The following KLRK1 variants were observed in gnomAD, a reference collection of about 807,000 sequenced individuals.
The protein encoded by KLRK1 is killer cell lectin like receptor K1.
A neutral mutation model predicts 31.3 loss-of-function variants in KLRK1; 40 were observed. The ratio of observed to expected loss-of-function variants is 1.28; its 90% CI spans 0.99 to 1.67. The LOEUF (loss-of-function observed/expected upper bound fraction) is 1.67. Among genes scored for constraint, KLRK1 ranks in the 40% most tolerant of loss-of-function variants. The pLI is 0.00. For synonymous variants in KLRK1, 77 were observed against 77.3 expected, an observed-to-expected ratio of 1.00 and a Z score of 0.02; for missense variants, 251 against 260.0, an observed-to-expected ratio of 0.97 and a Z score of 0.24.
intron 3 of KLRK1, among the ~76,000 whole-genome samples, chr12:10,386,427 T>C (rs1439826866): frequency 1.3e-5 from 2 of 152,104 alleles, no homozygotes; most frequent in Non-Finnish European, 2.9e-5. Flanking sequence ...CATCTGTTGT[T>C]TTCCTTTTCA....
At chr12:10,377,326 A>G (rs1195970095) in intron 7 of KLRK1, among the ~76,000 whole-genome samples, 1 of 152,204 alleles carries the variant, frequency 6.6e-6, no homozygotes, top group Non-Finnish European at 1.5e-5. Context: ...ATGTTAAGGG[A>G]AAGAAAGATT....
At chr12:10,381,916 T>G (rs1268170194) in intron 3 of KLRK1, 1 of 152,206 alleles carries the variant, frequency 6.6e-6, no homozygotes, top group Non-Finnish European at 1.5e-5. Context: ...GTGTCGGAAC[T>G]TAGACCTGGC....
In KLRK1 at chr12:10,378,550, C is replaced by A; in HGVS notation, c.429+4G>T. On this transcript the variant is annotated splice_donor_region_variant and intron_variant, in intron 6 of 7. Coordinates refer to ENST00000240618, the MANE Select transcript of KLRK1 (RefSeq NM_007360.4). ...AGGATGGGAAATTAAAATAAATACT[C>A]AACCTGGTCCTCTTTGCTGTATACT... is the stretch of plus-strand genomic sequence containing the variant. 6.2e-7 allele frequency: 1 copy of A among 1,608,588 alleles called. No individual in the cohort carries two copies. Among genetic ancestry groups the A allele is most frequent in the South Asian group, 1.1e-5 (1 of 89,720 alleles).
At chr12:10,387,567 C>T (rs1318509562) in intron 2 of KLRK1, among the ~76,000 whole-genome samples, 2 of 150,752 alleles carry the variant, frequency 1.3e-5, no homozygotes, top group Admixed American at 1.3e-4. Flanking sequence ...GTCTAATTTT[C>T]TTCTTTTCTT....
chr12:10,379,608 TTATG>T, intron 4 of KLRK1, 88 bp downstream of exon 4: 1 of 1,373,986 alleles, frequency 7.3e-7, no homozygotes, highest in Non-Finnish European at 9.9e-7. Flanking sequence ...TATTTCTAGT[TTATG>T]TGTCTGTGTT....
At chr12:10,375,104 G>T (rs1862939717) in intron 7 of KLRK1, among the ~76,000 whole-genome samples, 1 of 152,116 alleles carries the variant, frequency 6.6e-6, no homozygotes, top group South Asian at 2.1e-4. Context: ...AAGGTATACT[G>T]GGGCTTCCAA....
intron 3 of KLRK1, among the ~76,000 whole-genome samples, chr12:10,381,124 TAG>T (rs930493397): frequency 7.9e-5 from 12 of 151,818 alleles, no homozygotes; most frequent in Admixed American, 2.0e-4. Flanking sequence ...GTCCTCAGCA[TAG>T]AGAGAGTCAT....
chr12:10,380,354 C>T lies in KLRK1; in HGVS notation c.149-562G>A, dbSNP rs149782374. Among the ~76,000 whole-genome samples the T allele has an allele frequency of 2.7e-4, 41 of 152,170 alleles. No individual in the cohort carries two copies. In the East Asian group the frequency reaches 6.4e-3, roughly 24 times the overall value. On this transcript the variant is annotated intron_variant, in intron 3 of 7. Coordinates refer to ENST00000240618, the MANE Select transcript of KLRK1 (RefSeq NM_007360.4). ...TGCTGGGATTACAGGCGTGAGCCAC[C>T]GCACCCGGCCGTGATTTATTATTTT...
intron 7 of KLRK1, among the ~76,000 whole-genome samples, chr12:10,376,418 A>G (rs1862967008): frequency 6.6e-6 from 1 of 152,210 alleles, no homozygotes; most frequent in Non-Finnish European, 1.5e-5. Flanking sequence ...TGAAAACTAA[A>G]TGACACATGT....
intron 3 of KLRK1, among the ~76,000 whole-genome samples, chr12:10,381,410 A>T (rs896546233): frequency 1.3e-5 from 2 of 152,218 alleles, no homozygotes; most frequent in African/African-American, 4.8e-5. Flanking sequence ...GGAGTCCTAT[A>T]TCTGGAAGCA....
chr12:10,383,325 A>C (rs1863111601), intron 3 of KLRK1, among the ~76,000 whole-genome samples: 1 of 152,076 alleles, frequency 6.6e-6, no homozygotes, highest in African/African-American at 2.4e-5. Flanking sequence ...TTCCATGAAA[A>C]TGAAAACCAG....
chr12:10,387,607 G>GTGA (rs958525518), intron 2 of KLRK1, among the ~76,000 whole-genome samples: 6 of 150,722 alleles, frequency 4.0e-5, no homozygotes, highest in Non-Finnish European at 5.9e-5. Flanking sequence ...GTGCAATGGC[G>GTGA]TGATATTGGC....
chr12:10,388,765 A>G lies in KLRK1; in HGVS notation c.40+6T>C. The G allele has an allele frequency of 6.2e-7, 1 of 1,613,642 alleles. No individual in the cohort carries two copies. The highest frequency in any genetic ancestry group is 8.5e-7 in the Non-Finnish European group (1 of 1,179,912). ...AAAACTACACACTTATGTGGTAAAA[A>G]CATACCCCAGCTGTGTCGAGACCTC... On this transcript the variant is annotated splice_donor_region_variant and intron_variant, in intron 2 of 7. Coordinates refer to ENST00000240618, the MANE Select transcript of KLRK1 (RefSeq NM_007360.4).
rs113385206 is a variant in KLRK1 at position 10,388,837 on chromosome 12, G to A, written c.-27C>T. 7.9e-5 allele frequency: 128 copies of A among 1,613,352 alleles called. 1 individual carries two copies. The highest frequency in any genetic ancestry group is 7.1e-4 in the African/African-American group (53 of 74,982). On this transcript the variant is annotated 5_prime_UTR_variant, in exon 2 of 8. Transcript: ENST00000240618. ...AAATACTTATAAGTGCACGTCTACC[G>A]CAGAGAGGAATCTAAAGTCTTCAAT...
intron 3 of KLRK1, among the ~76,000 whole-genome samples, chr12:10,381,617 A>G (rs1863076765): frequency 6.6e-6 from 1 of 151,668 alleles, no homozygotes; most frequent in Non-Finnish European, 1.5e-5. Flanking sequence ...ACAATTAAGA[A>G]AATGGCAGAA....
chr12:10,378,690 G>A lies in KLRK1; in HGVS notation c.293C>T (p.Pro98Leu). 6.3e-7 allele frequency: 1 copy of A among 1,599,186 alleles called. No homozygotes were observed. The highest frequency in any genetic ancestry group is 8.5e-7 in the Non-Finnish European group (1 of 1,176,076). ...QIPLTESYCGPCPKNWICYKN... is the reference protein window; with the variant it reads ...QIPLTESYCGLCPKNWICYKN... ...GTAACATATCCAGTTTTTAGGACAT[G>A]GGCCACAGTAACTTTCTGGAAAAGG... The change falls in exon 6 of 8, where the codon CCA becomes CTA. Residue 98 changes from proline (P) to leucine (L), a missense_variant. Physicochemically the swap from Pro to Leu is moderately conservative, Grantham distance 98. Transcript: ENST00000240618.
At chr12:10,373,278 G>A (rs367692094) in intron 7 of KLRK1, 47 bp from the exon 8 acceptor site, 41 of 1,481,500 alleles carry the variant, frequency 2.8e-5, no homozygotes, top group Middle Eastern at 1.8e-4. Flanking sequence ...TTATTAACGC[G>A]GGAAAATAAA....
intron 3 of KLRK1, chr12:10,382,192 A>C (rs1863087832): frequency 1.3e-5 from 2 of 152,300 alleles, no homozygotes; most frequent in African/African-American, 4.8e-5. Context: ...GTGGACAAAC[A>C]GAAAACTTTC....
At chr12:10,386,662 G>C (rs1258390234) in intron 3 of KLRK1, among the ~76,000 whole-genome samples, 1 of 151,568 alleles carries the variant, frequency 6.6e-6, no homozygotes, top group African/African-American at 2.4e-5. Flanking sequence ...AGAAACTCCT[G>C]CCTCGATTAT....
Sources: gnomAD v4.1 joint callset for allele counts (sites outside exome capture counted in the v4.1 genomes callset) on GRCh38, gnomAD v4.1.1 for gene constraint, MANE v1.5 for transcripts, NCBI Gene and HGNC (gene_info 2026-07-23, HGNC 2026-07-21) for gene names.